The following HS2ST1 variants were observed in gnomAD, a reference collection of about 807,000 sequenced individuals.
The protein encoded by HS2ST1 is 2-O-sulfotransferase.
In HS2ST1, 18 loss-of-function variants were observed where a neutral mutation model predicts 42.9. The observed-to-expected ratio is 0.42, with a 90% CI of 0.29 to 0.62. The LOEUF is 0.62. Ranked by LOEUF, HS2ST1 falls within the 20% of genes least tolerant of loss-of-function variation. The pLI is 0.21. For missense variants in HS2ST1, 334 were observed against 433.8 expected, an observed-to-expected ratio of 0.77 and a Z score of 2.04; for synonymous variants, 146 against 152.9, an observed-to-expected ratio of 0.95 and a Z score of 0.33.
rs987906641 is a variant in HS2ST1 at position 87,107,375 on chromosome 1, G to T, written c.*2679G>T. ...TATCATATTTTAGGGTGGGTTAGGA[G>T]TATCCTTTCTGGAGACTGAGAAAGG... On this transcript the variant is annotated 3_prime_UTR_variant, in exon 7 of 7. Coordinates refer to ENST00000370550, the MANE Select transcript of HS2ST1 (RefSeq NM_012262.4). 6.6e-6 allele frequency: 1 copy of T among 151,952 alleles called. No homozygotes were observed. Among genetic ancestry groups the T allele is most frequent in the African/African-American group, 2.4e-5 (1 of 41,412 alleles). The allele number at this position is 151,952 out of a possible 1,614,324, so 9.4% of individuals were successfully genotyped here. A position where few individuals can be genotyped will look rare whatever the true frequency, so the allele number is the denominator to read the frequency against.
At chr1:87,004,423 C>T (rs1433815350) in intron 1 of HS2ST1, among the ~76,000 whole-genome samples, 2 of 152,122 alleles carry the variant, frequency 1.3e-5, no homozygotes, top group South Asian at 4.2e-4. Context: ...TATAAGCCTG[C>T]GTATCTCAAT....
intron 1 of HS2ST1, among the ~76,000 whole-genome samples, chr1:86,950,421 A>G (rs1053998505): frequency 6.6e-6 from 1 of 152,210 alleles, no homozygotes; most frequent in South Asian, 2.1e-4. Flanking sequence ...AAGGCGAGAC[A>G]TGGAAATTAA....
intron 1 of HS2ST1, among the ~76,000 whole-genome samples, chr1:86,990,729 C>T (rs149546500): frequency 0.021 from 3,040 of 145,302 alleles, 107 homozygotes; most frequent in African/African-American, 0.073. Flanking sequence ...TCGCAACCTC[C>T]ACCTCCCAGG....
chr1:87,030,459 C>T (rs1650201550), intron 1 of HS2ST1, among the ~76,000 whole-genome samples: 1 of 152,084 alleles, frequency 6.6e-6, no homozygotes, highest in South Asian at 2.1e-4. Flanking sequence ...GATCATGCCT[C>T]TGCACTCCAA....
At chr1:87,000,553 A>G (rs1272935800) in intron 1 of HS2ST1, among the ~76,000 whole-genome samples, 1 of 152,220 alleles carries the variant, frequency 6.6e-6, no homozygotes, top group Non-Finnish European at 1.5e-5. Flanking sequence ...GCATGTGAAT[A>G]GTTTTAACGC....
Position 86,960,541 on chromosome 1 carries a change from A to G in HS2ST1, c.124+45381A>G, listed in dbSNP as rs75147334. The stretch of plus-strand genomic sequence containing the variant: ...AAAATCTTTGGAAAATACATACCTG[A>G]AAAAGAACTGGCATCCAAAAATATT... On this transcript the variant is annotated intron_variant, in intron 1 of 6. Transcript: ENST00000370550. Among the ~76,000 whole-genome samples, 611 of 152,330 alleles carry G rather than the reference A, an allele frequency of 4.0e-3. 7 individuals carry two copies. The highest frequency in any genetic ancestry group is 0.014 in the African/African-American group (585 of 41,578).
At chr1:87,046,588 A>G (rs1410207951) in intron 1 of HS2ST1, 15 of 1,577,980 alleles carry the variant, frequency 9.5e-6, no homozygotes, top group Non-Finnish European at 1.1e-5. Context: ...GGAAACCTCC[A>G]GTTCTGTTGG....
At chr1:87,015,868 G>T (rs1055088322) in intron 1 of HS2ST1, among the ~76,000 whole-genome samples, 1 of 151,570 alleles carries the variant, frequency 6.6e-6, no homozygotes, top group Non-Finnish European at 1.5e-5. Flanking sequence ...CCAGGCTAGA[G>T]TACAGTGGTG....
chr1:87,004,904 A>C (rs184360717), intron 1 of HS2ST1, among the ~76,000 whole-genome samples: 36 of 152,356 alleles, frequency 2.4e-4, no homozygotes, highest in Admixed American at 1.1e-3. Context: ...TAACATTAGT[A>C]AAGGACAATC....
At chr1:87,013,164 G>T (rs1649652576) in intron 1 of HS2ST1, among the ~76,000 whole-genome samples, 1 of 152,196 alleles carries the variant, frequency 6.6e-6, no homozygotes, top group South Asian at 2.1e-4. Context: ...TCTGTATAGG[G>T]GCTCCCACAG....
At chr1:86,956,427 T>C (rs1230165336) in intron 1 of HS2ST1, 6 of 152,224 alleles carry the variant, frequency 3.9e-5, no homozygotes, top group Non-Finnish European at 5.9e-5. Context: ...AAACAGAGCA[T>C]GGCCTAGATC....
intron 1 of HS2ST1, among the ~76,000 whole-genome samples, chr1:86,993,602 G>A (rs1649019499): frequency 6.6e-6 from 1 of 152,102 alleles, no homozygotes; most frequent in Non-Finnish European, 1.5e-5. Flanking sequence ...TGGATATATA[G>A]GGTTGAAAAC....
intron 1 of HS2ST1, among the ~76,000 whole-genome samples, chr1:86,977,214 C>T (rs1648445918): frequency 6.6e-6 from 1 of 152,060 alleles, no homozygotes; most frequent in Admixed American, 6.6e-5. Flanking sequence ...TGGATATTAA[C>T]TCCATACTAA....
In HS2ST1 at chr1:86,923,195, T is replaced by A. The variant is rs567424919; in HGVS notation, c.124+8035T>A. Among the ~76,000 whole-genome samples the A allele has an allele frequency of 2.6e-5, 4 of 152,316 alleles. No homozygotes were observed. The South Asian group carries it at 8.3e-4, about 32-fold the overall frequency. ...AAGTTTAATATAGGTCTTTAAAAAA[T>A]TATGTATCATTTCTTTCCTTAACAT... On this transcript the variant is annotated intron_variant, in intron 1 of 6. Coordinates refer to ENST00000370550, the MANE Select transcript of HS2ST1 (RefSeq NM_012262.4).
intron 1 of HS2ST1, among the ~76,000 whole-genome samples, chr1:87,003,392 A>G (rs1198723514): frequency 6.6e-6 from 1 of 152,236 alleles, no homozygotes; most frequent in East Asian, 1.9e-4. Flanking sequence ...TTTTGAATGT[A>G]TACAGTATTC....
chr1:86,983,469 C>G (rs1462173404), intron 1 of HS2ST1, among the ~76,000 whole-genome samples: 1 of 152,118 alleles, frequency 6.6e-6, no homozygotes, highest in Non-Finnish European at 1.5e-5. Context: ...AACTCACTCA[C>G]TATCACGAGA....
At chr1:86,965,334 T>C (rs1477757206) in intron 1 of HS2ST1, among the ~76,000 whole-genome samples, 5 of 152,086 alleles carry the variant, frequency 3.3e-5, no homozygotes, top group Admixed American at 3.3e-4. Context: ...CCCAAAATTC[T>C]TGAACCTCGG....
chr1:87,085,950 A>C (rs899284926), intron 3 of HS2ST1, among the ~76,000 whole-genome samples: 1 of 152,170 alleles, frequency 6.6e-6, no homozygotes, highest in African/African-American at 2.4e-5. Flanking sequence ...TTTCATAGTG[A>C]GTCTTATGTT....
intron 1 of HS2ST1, among the ~76,000 whole-genome samples, chr1:87,026,422 T>A (rs559256998): frequency 6.6e-6 from 1 of 152,332 alleles, no homozygotes; most frequent in South Asian, 2.1e-4. Context: ...AGAAGTTAAA[T>A]AAATGTTCGT....
Sources: gnomAD v4.1 joint callset for allele counts (sites outside exome capture counted in the v4.1 genomes callset) on GRCh38, gnomAD v4.1.1 for gene constraint, MANE v1.5 for transcripts, NCBI Gene and HGNC (gene_info 2026-07-23, HGNC 2026-07-21) for gene names.